ECI2: variants seen among roughly 807,000 people sequenced by gnomAD.
ECI2 encodes the protein enoyl-CoA delta isomerase 2, also known as D3,D2-enoyl-CoA isomerase.
In ECI2, 27 loss-of-function variants were observed where a neutral mutation model predicts 38.4. The observed-to-expected ratio is 0.70, with a 90% CI of 0.52 to 0.97. ECI2 has a LOEUF of 0.97. Ranked by LOEUF, ECI2 falls within the 50% of genes least tolerant of loss-of-function variation. The pLI, the probability that ECI2 is intolerant of heterozygous loss-of-function variation, is 0.00. For synonymous variants in ECI2, 168 were observed against 172.0 expected, an observed-to-expected ratio of 0.98 and a Z score of 0.18; for missense variants, 470 against 474.4, an observed-to-expected ratio of 0.99 and a Z score of 0.09.
intron 9 of ECI2, 99 bp downstream of exon 9, chr6:4,117,209 G>T: frequency 7.1e-7 from 1 of 1,416,032 alleles, no homozygotes; most frequent in Non-Finnish European, 9.5e-7. Flanking sequence ...AACTAAAGAT[G>T]TGTCTTGTGC....
rs928479060 is a variant in ECI2 at position 4,125,580 on chromosome 6, C to G, written c.675-210G>C. On this transcript the variant is annotated intron_variant, in intron 6 of 9. Coordinates refer to ENST00000380118, the MANE Select transcript of ECI2 (RefSeq NM_206836.3). ...GTCTGAATGGCAGTGGATGGAAGAC[C>G]AACCAGTGAGACCTATGGGTCAACC... The G allele has an allele frequency of 4.6e-6, 3 of 650,382 alleles. No homozygotes were observed. In the African/African-American group the frequency reaches 5.5e-5, roughly 12 times the overall value. 40.3% of individuals were successfully genotyped at this position (650,382 alleles called of 1,614,324 possible). A position where few individuals can be genotyped will look rare whatever the true frequency, so the allele number is the denominator to read the frequency against.
intron 2 of ECI2, chr6:4,131,068 T>C (rs1773483756): frequency 2.1e-6 from 1 of 481,812 alleles, no homozygotes; most frequent in Non-Finnish European, 3.6e-6. Context: ...GGAAATAAAT[T>C]ATAACTGCCT....
intron 7 of ECI2, chr6:4,121,799 T>G (rs1394595201): frequency 5.6e-6 from 2 of 360,280 alleles, no homozygotes; most frequent in Non-Finnish European, 1.0e-5. Flanking sequence ...TATTTAGATT[T>G]CATTTCCTAT....
chr6:4,126,357 C>T, intron 5 of ECI2, 120 bp from the exon 6 acceptor site: 1 of 777,736 alleles, frequency 1.3e-6, no homozygotes, highest in South Asian at 1.8e-5. Context: ...GCAATGGTTC[C>T]TGCCCTAACT....
chr6:4,130,364 A>G lies in ECI2; in HGVS notation c.501+8T>C, dbSNP rs1265275769. The stretch of plus-strand genomic sequence containing the variant: ...AACAGGACAAACTCCGTGGGCAGGT[A>G]ACATTACCTCAGTGTTTATGGCATT... On this transcript the variant is annotated splice_region_variant and intron_variant, in intron 4 of 9. Transcript: ENST00000380118. 1 of 1,614,060 alleles carries G rather than the reference A, an allele frequency of 6.2e-7. No homozygotes were observed. The highest frequency in any genetic ancestry group is 1.7e-5 in the Admixed American group (1 of 59,998).
Position 4,127,891 on chromosome 6 carries a change from T to C in ECI2, c.502-60A>G, listed in dbSNP as rs373143439. ...TCTGAACACAGGAATCATCAATCAATGGACTCAACAAATGTCAGGCTGCAA... is the reference window on the plus strand; with the variant it reads ...TCTGAACACAGGAATCATCAATCAACGGACTCAACAAATGTCAGGCTGCAA... On this transcript the variant is annotated intron_variant, in intron 4 of 9. Transcript: ENST00000380118. The C allele has an allele frequency of 1.1e-5, 17 of 1,513,754 alleles. No homozygotes were observed. The African/African-American group carries it at 1.7e-4, about 15-fold the overall frequency. 93.8% of individuals were successfully genotyped at this position (1,513,754 alleles called of 1,614,324 possible).
At chr6:4,121,216 T>C (rs1772724033) in intron 7 of ECI2, among the ~76,000 whole-genome samples, 1 of 152,240 alleles carries the variant, frequency 6.6e-6, no homozygotes, top group South Asian at 2.1e-4. Context: ...GTATTAAGTC[T>C]CTTACCATGT....
intron 5 of ECI2, among the ~76,000 whole-genome samples, chr6:4,126,965 T>C (rs911400211): frequency 2.0e-5 from 3 of 152,198 alleles, no homozygotes; most frequent in African/African-American, 7.2e-5. Context: ...GGCTCCTTCC[T>C]AGCTATCCCA....
In ECI2 at chr6:4,117,429, C is replaced by A. The variant is rs752163718; in HGVS notation, c.908G>T (p.Gly303Val). 1 of 1,612,732 alleles carries A rather than the reference C, an allele frequency of 6.2e-7. No individual in the cohort carries two copies. The highest frequency in any genetic ancestry group is 1.3e-5 in the African/African-American group (1 of 74,906). Reference protein sequence around the residue: ...PAKATEMLIFGKKLTAGEACA... With the variant: ...PAKATEMLIFVKKLTAGEACA... ...TGCCTCTCCCGCTGTTAACTTCTTTCCAAAAATAAGCATCTCTGTTGCCTG... is the reference window on the plus strand; with the variant it reads ...TGCCTCTCCCGCTGTTAACTTCTTTACAAAAATAAGCATCTCTGTTGCCTG... Residue 303 changes from glycine to valine, a missense_variant, in exon 9 of 10, where the codon GGA (glycine) becomes GTA (valine). Coordinates refer to ENST00000380118, the MANE Select transcript of ECI2 (RefSeq NM_206836.3).
At chr6:4,117,689 A>C in intron 8 of ECI2, 1 of 415,464 alleles carries the variant, frequency 2.4e-6, no homozygotes, top group Non-Finnish European at 4.2e-6. Context: ...TTGGAGGGGC[A>C]AGATCAGGGG....
chr6:4,121,419 G>A (rs568532824), intron 7 of ECI2, among the ~76,000 whole-genome samples: 75 of 151,498 alleles, frequency 5.0e-4, no homozygotes, highest in African/African-American at 1.7e-3. Context: ...TTTTCTCAGT[G>A]GTTTCTCTCA....
chr6:4,120,447 C>A (rs1214266466), intron 7 of ECI2, among the ~76,000 whole-genome samples: 1 of 152,122 alleles, frequency 6.6e-6, no homozygotes, highest in Admixed American at 6.5e-5. Flanking sequence ...AAAAGGTAGG[C>A]CGGGTGTGGT....
intron 7 of ECI2, among the ~76,000 whole-genome samples, chr6:4,123,606 A>G (rs1203167276): frequency 2.0e-5 from 3 of 151,168 alleles, no homozygotes; most frequent in Admixed American, 1.3e-4. Context: ...TATTATGTAT[A>G]TATGTTTTCT....
At chr6:4,123,885 C>T (rs1017243416) in intron 7 of ECI2, among the ~76,000 whole-genome samples, 3 of 151,890 alleles carry the variant, frequency 2.0e-5, no homozygotes, top group African/African-American at 7.3e-5. Flanking sequence ...CGCTTGAACC[C>T]GGGAGGTGGT....
intron 7 of ECI2, among the ~76,000 whole-genome samples, chr6:4,123,595 G>A (rs1475538740): frequency 6.6e-6 from 1 of 150,550 alleles, no homozygotes; most frequent in Non-Finnish European, 1.5e-5. Flanking sequence ...TGTTTTATAT[G>A]TATTATGTAT....
intron 6 of ECI2, chr6:4,125,679 G>C (rs1773102808): frequency 2.3e-6 from 1 of 443,838 alleles, no homozygotes; most frequent in Admixed American, 3.7e-5. Context: ...ATTAGGTTGG[G>C]TGACTGAGCA....
chr6:4,121,890 A>G (rs1435016221), intron 7 of ECI2: 2 of 939,914 alleles, frequency 2.1e-6, no homozygotes, highest in Non-Finnish European at 3.2e-6. Context: ...CATAAAAATA[A>G]TCACAATATT....
At chr6:4,121,771 T>A (rs1244789367) in intron 7 of ECI2, among the ~76,000 whole-genome samples, 1 of 152,016 alleles carries the variant, frequency 6.6e-6, no homozygotes, top group Non-Finnish European at 1.5e-5. Context: ...AATTTAAAAT[T>A]CATAATATGT....
rs781771589 is a variant in ECI2 at position 4,115,728 on chromosome 6, C to T, written c.*146G>A. ...AGCTTGTTTTACAAAACTTTTTATT[C>T]ATCAGAGCTGTAGTGAAATATCATC... On this transcript the variant is annotated 3_prime_UTR_variant, in exon 10 of 10. Transcript: ENST00000380118. 1 of 1,290,042 alleles carries T rather than the reference C, an allele frequency of 7.8e-7. No homozygotes were observed. The highest frequency in any genetic ancestry group is 1.1e-6 in the Non-Finnish European group (1 of 928,420). 79.9% of individuals were successfully genotyped at this position (1,290,042 alleles called of 1,614,324 possible). A position where few individuals can be genotyped will look rare whatever the true frequency, so the allele number is the denominator to read the frequency against.
Sources: allele counts gnomAD v4.1 joint callset (sites outside exome capture counted in the v4.1 genomes callset), GRCh38; gene constraint gnomAD v4.1.1; transcripts MANE v1.5; gene names NCBI Gene and HGNC (gene_info 2026-07-23, HGNC 2026-07-21).